Variants in FUT8 observed in about 807,000 individuals in gnomAD.
FUT8 encodes alpha-(1,6)-fucosyltransferase.
A neutral mutation model predicts 71.3 loss-of-function variants in FUT8; 29 were observed. The ratio of observed to expected loss-of-function variants is 0.41; its 90% CI spans 0.30 to 0.55. The LOEUF (loss-of-function observed/expected upper bound fraction) is 0.55. Among genes scored for constraint, FUT8 ranks in the 20% least tolerant of loss-of-function variants. The pLI is 0.34. For synonymous variants in FUT8, 254 were observed against 239.3 expected (o/e 1.06, Z -0.57); for missense variants, 544 against 702.1 (o/e 0.77, Z 2.55).
At chr14:65,720,581 A>G (rs150118263) in intron 7 of FUT8, among the ~76,000 whole-genome samples, 117 of 152,304 alleles carry the variant, frequency 7.7e-4, no homozygotes, top group African/African-American at 2.6e-3. Context: ...TAGATTAGGG[A>G]AAGGGTGGCA....
In FUT8 at chr14:65,689,951, A is replaced by G. The variant is rs187987410; in HGVS notation, c.835+20471A>G. ...TGCCAAATCCACAGTCACCTAAATA[A>G]TCTCCTGTGTTATCCTCTAGAAGTG... On this transcript the variant is annotated intron_variant, in intron 7 of 10. Transcript: ENST00000673929. Among the ~76,000 whole-genome samples the G allele has an allele frequency of 3.5e-3, 529 of 152,230 alleles. 2 individuals carry two copies. Among genetic ancestry groups the G allele is most frequent in the African/African-American group, 0.012 (502 of 41,548 alleles).
At chr14:65,513,164 A>T (rs1028423451) in intron 2 of FUT8, among the ~76,000 whole-genome samples, 1 of 152,152 alleles carries the variant, frequency 6.6e-6, no homozygotes, top group Non-Finnish European at 1.5e-5. Flanking sequence ...AGGGTGTCTG[A>T]TTCTTTGCAA....
the FUT8 span, among the ~76,000 whole-genome samples, chr14:65,397,771 T>G: frequency 1.1e-4 from 17 of 152,270 alleles, no homozygotes; most frequent in Non-Finnish European, 2.1e-4. This position sits in a 1 kb window ranked among gnomAD's most constrained non-coding sequence, Gnocchi z 4.2. Flanking sequence ...TTATTAATTC[T>G]TCTTAAATGT....
intron 7 of FUT8, among the ~76,000 whole-genome samples, chr14:65,710,955 C>G (rs1894785594): frequency 1.3e-5 from 2 of 152,032 alleles, no homozygotes; most frequent in African/African-American, 4.8e-5. Flanking sequence ...AGATGCTGGG[C>G]TCTTTTTAAC....
intron 7 of FUT8, among the ~76,000 whole-genome samples, chr14:65,671,146 A>G (rs1275944301): frequency 6.6e-6 from 1 of 152,162 alleles, no homozygotes; most frequent in African/African-American, 2.4e-5. Context: ...GATTGTGGAA[A>G]TAATAGCCAG....
chr14:65,528,155 T>G (rs565507733), intron 2 of FUT8, among the ~76,000 whole-genome samples: 2 of 152,260 alleles, frequency 1.3e-5, no homozygotes, highest in Non-Finnish European at 2.9e-5. Flanking sequence ...AGGTGGAGTC[T>G]GCAGAGGCAG....
intron 1 of FUT8, among the ~76,000 whole-genome samples, chr14:65,426,015 T>C (rs1173393513): frequency 6.6e-6 from 1 of 151,944 alleles, no homozygotes; most frequent in Non-Finnish European, 1.5e-5. Context: ...ACATTTAGTG[T>C]GTACAATAAA....
intron 3 of FUT8, among the ~76,000 whole-genome samples, chr14:65,592,123 GT>G (rs950246386): frequency 2.0e-5 from 3 of 152,008 alleles, no homozygotes; most frequent in Non-Finnish European, 4.4e-5. Flanking sequence ...ATATACAATT[GT>G]TTTTTTGTCA....
chr14:65,564,276 G>C (rs1340858376), intron 3 of FUT8, among the ~76,000 whole-genome samples: 4 of 152,002 alleles, frequency 2.6e-5, no homozygotes, highest in Admixed American at 1.3e-4. Flanking sequence ...TTTATAACTA[G>C]GTCGTTTCTT....
intron 7 of FUT8, among the ~76,000 whole-genome samples, chr14:65,707,650 T>G (rs1894616921): frequency 6.6e-6 from 1 of 152,204 alleles, no homozygotes; most frequent in Non-Finnish European, 1.5e-5. Flanking sequence ...CATTTTGAGT[T>G]GATTTTTATA....
chr14:65,457,121 G>A (rs188416573), intron 2 of FUT8, among the ~76,000 whole-genome samples: 3 of 151,982 alleles, frequency 2.0e-5, no homozygotes, highest in African/African-American at 7.3e-5. Context: ...TGAACACCAG[G>A]TCTTATTTCT....
At chr14:65,611,215 GCGCGCGCGCACACACACA>G (rs1888920517) in intron 3 of FUT8, among the ~76,000 whole-genome samples, 1 of 4,618 alleles carries the variant, frequency 2.2e-4, no homozygotes, top group Admixed American at 2.6e-3. Flanking sequence ...GCGCGCGCGC[GCGCGCGCGCACACACACA>G]CACACACACA....
intron 6 of FUT8, among the ~76,000 whole-genome samples, chr14:65,632,990 T>TCC (rs1890271614): frequency 7.8e-6 from 1 of 128,718 alleles, no homozygotes; most frequent in African/African-American, 3.4e-5. Context: ...TGCTCTCCCC[T>TCC]CTCCCCTCTC....
At chr14:65,658,153 C>G (rs1265387762) in intron 6 of FUT8, among the ~76,000 whole-genome samples, 1 of 151,994 alleles carries the variant, frequency 6.6e-6, no homozygotes, top group East Asian at 1.9e-4. Flanking sequence ...AGGCAAAAGT[C>G]TTGTACAGAC....
At chr14:65,633,042 C>G (rs974368130) in intron 6 of FUT8, among the ~76,000 whole-genome samples, 6 of 146,604 alleles carry the variant, frequency 4.1e-5, no homozygotes, top group Non-Finnish European at 7.5e-5. Flanking sequence ...CTCTCCCTCT[C>G]TTTCCACGGT....
intron 3 of FUT8, among the ~76,000 whole-genome samples, chr14:65,613,971 A>T (rs1889143788): frequency 6.6e-6 from 1 of 152,028 alleles, no homozygotes; most frequent in Non-Finnish European, 1.5e-5. Context: ...AAAATTAGCC[A>T]GGGATGGTGG....
intron 7 of FUT8, among the ~76,000 whole-genome samples, chr14:65,704,146 C>A (rs922518389): frequency 2.0e-5 from 3 of 152,158 alleles, no homozygotes; most frequent in Non-Finnish European, 4.4e-5. Context: ...TGAAACATCT[C>A]ATTCGTAACT....
intron 3 of FUT8, among the ~76,000 whole-genome samples, chr14:65,565,202 T>C (rs781411429): frequency 6.6e-6 from 1 of 151,920 alleles, no homozygotes; most frequent in Non-Finnish European, 1.5e-5. Context: ...TCCATTCCCA[T>C]GAGAAGGAGA....
chr14:65,536,865 C>G (rs1249917718), intron 2 of FUT8, among the ~76,000 whole-genome samples: 1 of 152,102 alleles, frequency 6.6e-6, no homozygotes, highest in Non-Finnish European at 1.5e-5. Context: ...TCCAGTCTCC[C>G]CATTTCTTTC....
Sources: gnomAD v4.1 joint callset for allele counts (sites outside exome capture counted in the v4.1 genomes callset) on GRCh38, gnomAD v4.1.1 for gene constraint, Gnocchi (gnomAD v3.1) non-coding constraint, MANE v1.5 for transcripts, NCBI Gene and HGNC (gene_info 2026-07-23, HGNC 2026-07-21) for gene names.